The following ACSL6 variants were observed in gnomAD, a reference collection of about 807,000 sequenced individuals.
The protein encoded by ACSL6 is long-chain-fatty-acid--CoA ligase 6.
In ACSL6, 47 loss-of-function variants were observed where a neutral mutation model predicts 98.2. That is an observed-to-expected ratio of 0.48 (90% CI 0.38 to 0.61). The LOEUF (loss-of-function observed/expected upper bound fraction) is 0.61. ACSL6 is among the 20% of genes least tolerant of loss of function. The pLI, the probability that ACSL6 is intolerant of heterozygous loss-of-function variation, is 0.00. For missense variants in ACSL6, 761 were observed against 913.4 expected (o/e 0.83, Z 2.15); for synonymous variants, 362 against 336.9 (o/e 1.07, Z -0.82).
chr5:132,004,148 C>T (rs562779216), intron 1 of ACSL6, among the ~76,000 whole-genome samples: 2 of 151,504 alleles, frequency 1.3e-5, no homozygotes, highest in East Asian at 1.9e-4. Flanking sequence ...GCCCCATGTG[C>T]GGGATCACTA....
intron 1 of ACSL6, among the ~76,000 whole-genome samples, chr5:132,001,314 C>T (rs927295971): frequency 1.3e-5 from 2 of 152,176 alleles, no homozygotes; most frequent in African/African-American, 4.8e-5. Flanking sequence ...ACATGTACAA[C>T]CCTGACCTGC....
chr5:132,001,885 T>C (rs1189427801), intron 1 of ACSL6: 1 of 152,014 alleles, frequency 6.6e-6, no homozygotes, highest in Non-Finnish European at 1.5e-5. Flanking sequence ...AAACAATGCT[T>C]TCAGGAACTT....
intron 9 of ACSL6, among the ~76,000 whole-genome samples, chr5:131,980,315 A>C (rs1753822930): frequency 6.6e-6 from 1 of 152,240 alleles, no homozygotes; most frequent in Non-Finnish European, 1.5e-5. Context: ...TTTTTAAAAA[A>C]TCAGACTTGA....
At chr5:131,993,982 G>A in intron 2 of ACSL6, 49 bp downstream of exon 2, 1 of 1,581,046 alleles carries the variant, frequency 6.3e-7, no homozygotes, top group Non-Finnish European at 8.7e-7. Flanking sequence ...CAAGATGCCT[G>A]TCCTCTGCCC....
At chr5:131,990,547 G>A (rs1754447998) in intron 3 of ACSL6, among the ~76,000 whole-genome samples, 1 of 152,142 alleles carries the variant, frequency 6.6e-6, no homozygotes, top group Non-Finnish European at 1.5e-5. Context: ...AGAGGTTCAG[G>A]TTCAGAACCA....
Position 131,951,144 on chromosome 5 carries a change from T to C in ACSL6, c.*3090A>G, listed in dbSNP as rs1344288151. ...CAAAATATGAGAATTACTAATACATTTGAATAACAGATAAAAAGGCCAAAC... is the reference window on the plus strand; with the variant it reads ...CAAAATATGAGAATTACTAATACATCTGAATAACAGATAAAAAGGCCAAAC... On this transcript the variant is annotated 3_prime_UTR_variant, in exon 21 of 21. Coordinates refer to ENST00000651883, the MANE Select transcript of ACSL6 (RefSeq NM_001009185.3). 5.3e-5 allele frequency: 11 copies of C among 205,966 alleles called. No homozygotes were observed. The East Asian group carries it at 8.2e-4, about 15-fold the overall frequency. The allele number at this position is 205,966 out of a possible 1,614,324, so 12.8% of individuals were successfully genotyped here.
At chr5:132,012,052 G>T, upstream of ACSL6, 1 of 1,258,106 alleles carries the variant, frequency 7.9e-7, no homozygotes, top group Non-Finnish European at 1.1e-6. Context: ...GGGTTTTATG[G>T]CTGGGCAGGC....
chr5:131,976,027 C>T, intron 10 of ACSL6: 4 of 985,430 alleles, frequency 4.1e-6, no homozygotes, highest in Non-Finnish European at 4.8e-6. Context: ...GAAGAAAAAG[C>T]CAAACTTTTT....
In ACSL6 at chr5:131,970,522, G is replaced by A. The variant is rs556062293; in HGVS notation, c.1435-322C>T. Among the ~76,000 whole-genome samples the A allele has an allele frequency of 6.6e-5, 10 of 151,284 alleles. No homozygotes were observed. The East Asian group carries it at 1.6e-3, about 24-fold the overall frequency. On this transcript the variant is annotated intron_variant, in intron 14 of 20. Transcript: ENST00000651883. ...CCTCCTGGGTTCACGCCATTCTCCCGCCTCAGCCTCCCGAGTAGCTGGGAC... is the reference window on the plus strand; with the variant it reads ...CCTCCTGGGTTCACGCCATTCTCCCACCTCAGCCTCCCGAGTAGCTGGGAC...
At chr5:131,994,541 G>C (rs1025338783) in intron 1 of ACSL6, 2 of 427,014 alleles carry the variant, frequency 4.7e-6, no homozygotes, top group East Asian at 9.5e-5. Flanking sequence ...ATTTTCCAGG[G>C]CCACTGCTCT....
At chr5:132,004,200 C>A (rs1233591838) in intron 1 of ACSL6, among the ~76,000 whole-genome samples, 1 of 151,824 alleles carries the variant, frequency 6.6e-6, no homozygotes, top group African/African-American at 2.4e-5. Context: ...AGGCTCCATG[C>A]CAAGGTCAGG....
intron 8 of ACSL6, 49 bp downstream of exon 8, chr5:131,986,773 C>G (rs750197324): frequency 6.2e-7 from 1 of 1,609,486 alleles, no homozygotes; most frequent in Admixed American, 1.7e-5. Context: ...TGAGGACAGG[C>G]CCTGCACGCC....
chr5:131,959,671 A>C (rs1752596645), intron 19 of ACSL6, 64 bp from the exon 20 acceptor site: 1 of 1,512,298 alleles, frequency 6.6e-7, no homozygotes, highest in Admixed American at 1.7e-5. Flanking sequence ...AGGTAGAGGA[A>C]ACAACACTTT....
At chr5:131,959,751 C>A in intron 19 of ACSL6, 144 bp from the exon 20 acceptor site, 3 of 706,666 alleles carry the variant, frequency 4.2e-6, no homozygotes, top group Non-Finnish European at 7.3e-6. Context: ...GCTGATACTC[C>A]CTGGCAACAC....
At chr5:132,012,010 A>T, upstream of ACSL6, 1 of 1,424,834 alleles carries the variant, frequency 7.0e-7, no homozygotes, top group Non-Finnish European at 9.4e-7. Flanking sequence ...CCCCATCAAC[A>T]CGCGACCCTG....
At chr5:131,981,335 A>AC (rs1298974833) in intron 9 of ACSL6, among the ~76,000 whole-genome samples, 92 of 151,898 alleles carry the variant, frequency 6.1e-4, no homozygotes, top group Middle Eastern at 3.4e-3. Flanking sequence ...AAAAAAAAAA[A>AC]AAAAAAAAAA....
At chr5:131,961,468 A>C (rs1036495278) in intron 18 of ACSL6, among the ~76,000 whole-genome samples, 1 of 149,906 alleles carries the variant, frequency 6.7e-6, no homozygotes, top group African/African-American at 2.4e-5. Flanking sequence ...TGAGGCAGGC[A>C]CAACACTTGA....
Position 131,989,299 on chromosome 5 carries a change from GT to G in ACSL6, c.552+107del, listed in dbSNP as rs952634505. Reference sequence around the variant, plus strand: ...GTGGTGGCATAGCCCAAGGGTCTCTGTTTTTTCTTTTGTCCTGGGCCCTACA... The same window carrying G: ...GTGGTGGCATAGCCCAAGGGTCTCTGTTTTTCTTTTGTCCTGGGCCCTACA... On this transcript the variant is annotated intron_variant, in intron 5 of 20. Transcript: ENST00000651883. 28 of 1,116,188 alleles carry G rather than the reference GT, an allele frequency of 2.5e-5. No homozygotes were observed. In the African/African-American group the frequency reaches 4.4e-4, roughly 17 times the overall value. The allele number at this position is 1,116,188 out of a possible 1,614,324, so 69.1% of individuals were successfully genotyped here.
chr5:131,968,635 G>C (rs1360296037), intron 15 of ACSL6, among the ~76,000 whole-genome samples: 1 of 152,158 alleles, frequency 6.6e-6, no homozygotes, highest in East Asian at 1.9e-4. Context: ...CTTGCCCCAT[G>C]AAAATAAGAC....
Sources: gnomAD v4.1 joint callset for allele counts (sites outside exome capture counted in the v4.1 genomes callset) on GRCh38, gnomAD v4.1.1 for gene constraint, MANE v1.5 for transcripts, NCBI Gene and HGNC (gene_info 2026-07-23, HGNC 2026-07-21) for gene names.